The following PDE6C variants were observed in gnomAD, a reference collection of about 807,000 sequenced individuals.
PDE6C encodes the protein phosphodiesterase 6C, also known as cone cGMP-specific 3',5'-cyclic phosphodiesterase subunit alpha'.
In PDE6C, 75 loss-of-function variants were observed where a neutral mutation model predicts 113.1. That is an observed-to-expected ratio of 0.66 (90% CI 0.55 to 0.80). PDE6C has a LOEUF of 0.80. Ranked by LOEUF, PDE6C falls within the 30% of genes least tolerant of loss-of-function variation. PDE6C has a pLI of 0.00. For synonymous variants in PDE6C, 375 were observed against 363.7 expected (o/e 1.03, Z -0.35); for missense variants, 912 against 1,038.6 (o/e 0.88, Z 1.67).
chr10:93,622,446 A>ATAT (rs1308422411), intron 4 of PDE6C, among the ~76,000 whole-genome samples: 1 of 152,002 alleles, frequency 6.6e-6, no homozygotes, highest in Non-Finnish European at 1.5e-5. Context: ...CAATATTGAT[A>ATAT]TATTATTATT....
intron 4 of PDE6C, among the ~76,000 whole-genome samples, chr10:93,624,485 G>A (rs1256160867): frequency 2.6e-5 from 4 of 152,166 alleles, no homozygotes; most frequent in African/African-American, 9.7e-5. Flanking sequence ...TGATCCGCTC[G>A]CCTTGGCCTC....
At chr10:93,635,717 G>A in intron 10 of PDE6C, 77 bp downstream of exon 10, 1 of 1,474,338 alleles carries the variant, frequency 6.8e-7, no homozygotes, top group Non-Finnish European at 9.5e-7. Flanking sequence ...ATTACCCAGG[G>A]GTCTGACAAA....
intron 7 of PDE6C, among the ~76,000 whole-genome samples, chr10:93,628,336 G>A (rs934911029): frequency 1.3e-5 from 2 of 152,070 alleles, no homozygotes; most frequent in Non-Finnish European, 2.9e-5. Flanking sequence ...TGTAATCGTA[G>A]CACTTTGGGA....
intron 21 of PDE6C, among the ~76,000 whole-genome samples, chr10:93,664,665 G>A (rs1285289632): frequency 1.3e-5 from 2 of 152,102 alleles, no homozygotes; most frequent in Non-Finnish European, 1.5e-5. Flanking sequence ...ATTGGATATG[G>A]ATCTGTATTT....
chr10:93,664,331 A>G (rs2058680275), intron 21 of PDE6C, among the ~76,000 whole-genome samples: 1 of 152,208 alleles, frequency 6.6e-6, no homozygotes, highest in Admixed American at 6.5e-5. Flanking sequence ...GAGTAAGAAA[A>G]TATGTACAAA....
At chr10:93,659,615 A>C (rs2058656764) in intron 18 of PDE6C, among the ~76,000 whole-genome samples, 1 of 152,164 alleles carries the variant, frequency 6.6e-6, no homozygotes, top group Admixed American at 6.5e-5. Flanking sequence ...GGCAAGAGAG[A>C]GCGTGTGCAG....
intron 16 of PDE6C, among the ~76,000 whole-genome samples, chr10:93,657,328 ATTTTTTTT>A (rs71031526): frequency 1.1e-3 from 94 of 88,290 alleles, no homozygotes; most frequent in African/African-American, 5.6e-4. Flanking sequence ...CGCCTGGCTA[ATTTTTTTT>A]TTTTTTTTTT....
rs267602622 is a variant in PDE6C at position 93,640,146 on chromosome 10, G to A, written c.1559G>A (p.Gly520Glu). The change falls in exon 12 of 22, where the codon GGA (glycine) becomes GAA (glutamate). Residue 520 changes from glycine to glutamate, a missense_variant. By Grantham distance (98) the Gly-to-Glu change is moderately conservative. Transcript: ENST00000371447. ...AGTGACTTCCCCCTTACAGAGCACGGATTGATTAAATGTGGAATACGACTG... is the reference window on the plus strand; with the variant it reads ...AGTGACTTCCCCCTTACAGAGCACGAATTGATTAAATGTGGAATACGACTG... ...RFSDFPLTEH[G>E]LIKCGIRLFF... 6.2e-7 allele frequency: 1 copy of A among 1,613,784 alleles called. No homozygotes were observed. The highest frequency in any genetic ancestry group is 1.3e-5 in the African/African-American group (1 of 75,026).
At chr10:93,644,896 ATATAG>A (rs370163864) in intron 14 of PDE6C, among the ~76,000 whole-genome samples, 5 of 16,208 alleles carry the variant, frequency 3.1e-4, no homozygotes, top group African/African-American at 3.5e-4. Flanking sequence ...TATATAGTAT[ATATAG>A]TATATATACA....
At chr10:93,628,520 G>T (rs1325945282) in intron 7 of PDE6C, among the ~76,000 whole-genome samples, 1 of 152,144 alleles carries the variant, frequency 6.6e-6, no homozygotes, top group Non-Finnish European at 1.5e-5. Context: ...AGGAGGTGGA[G>T]GTTGCAGAGA....
chr10:93,632,508 G>A (rs1463762132), intron 8 of PDE6C, among the ~76,000 whole-genome samples: 4 of 152,144 alleles, frequency 2.6e-5, no homozygotes, highest in Non-Finnish European at 4.4e-5. Flanking sequence ...TCTGTAACTT[G>A]TCTGTCAGTA....
chr10:93,614,605 A>G (rs896094624), intron 1 of PDE6C, among the ~76,000 whole-genome samples: 1 of 152,162 alleles, frequency 6.6e-6, no homozygotes, highest in Non-Finnish European at 1.5e-5. Flanking sequence ...CCCTGCTAGC[A>G]CATCAAACTT....
intron 8 of PDE6C, among the ~76,000 whole-genome samples, chr10:93,634,466 T>C (rs755034094): frequency 3.3e-5 from 5 of 152,222 alleles, no homozygotes; most frequent in Non-Finnish European, 7.3e-5. Flanking sequence ...TGCATAAAAC[T>C]ATATGTACAC....
chr10:93,630,490 T>C, intron 8 of PDE6C, among the ~76,000 whole-genome samples: 1 of 150,326 alleles, frequency 6.7e-6, no homozygotes. Context: ...TGTCACCTCC[T>C]CCCAACCTGA....
At chr10:93,622,643 T>TTTTTTG in intron 4 of PDE6C, among the ~76,000 whole-genome samples, 1 of 13,234 alleles carries the variant, frequency 7.6e-5, no homozygotes, top group Non-Finnish European at 8.0e-4. Flanking sequence ...CCACAGGTTT[T>TTTTTTG]TTTTTTGTTT....
intron 15 of PDE6C, among the ~76,000 whole-genome samples, chr10:93,649,922 G>A (rs1250867135): frequency 1.3e-5 from 2 of 152,008 alleles, no homozygotes; most frequent in Non-Finnish European, 2.9e-5. Flanking sequence ...CATCTCTAGA[G>A]TGCCCAATTC....
At chr10:93,649,108 A>T (rs2104497) in intron 15 of PDE6C, among the ~76,000 whole-genome samples, 70,491 of 152,016 alleles carry the variant, frequency 0.46, 17,308 homozygotes, top group Non-Finnish European at 0.54. Context: ...GGGGTGTGCT[A>T]TGCAGAATTC....
At chr10:93,635,345 A>G in intron 9 of PDE6C, 152 bp from the exon 10 acceptor site, 1 of 648,190 alleles carries the variant, frequency 1.5e-6, no homozygotes, top group South Asian at 1.8e-5. Flanking sequence ...TATTGTCTGA[A>G]GCTGATTATT....
intron 1 of PDE6C, among the ~76,000 whole-genome samples, chr10:93,613,809 C>T (rs2058405158): frequency 6.6e-6 from 1 of 152,184 alleles, no homozygotes; most frequent in Non-Finnish European, 1.5e-5. Context: ...TGGTTAAGTG[C>T]AATTGACCAC....
Sources: allele counts gnomAD v4.1 joint callset (sites outside exome capture counted in the v4.1 genomes callset), GRCh38; gene constraint gnomAD v4.1.1; transcripts MANE v1.5; gene names NCBI Gene and HGNC (gene_info 2026-07-23, HGNC 2026-07-21).